Variants in CA5B observed in about 807,000 individuals in gnomAD.
CA5B encodes the protein carbonic anhydrase 5B, mitochondrial.
CA5B carries 15 observed loss-of-function variants against 23.1 expected under a neutral mutation model. The ratio of observed to expected loss-of-function variants is 0.65; its 90% CI spans 0.43 to 1.00. The LOEUF is 1.00. Ranked by LOEUF, CA5B falls within the 50% of genes least tolerant of loss-of-function variation. The pLI, the probability that CA5B is intolerant of heterozygous loss-of-function variation, is 0.00. For missense variants in CA5B, 236 were observed against 252.2 expected, an observed-to-expected ratio of 0.94 and a Z score of 0.43; for synonymous variants, 84 against 98.5, an observed-to-expected ratio of 0.85 and a Z score of 0.87.
In CA5B at chrX:15,754,357, A is replaced by G. The variant is rs1474193717; in HGVS notation, c.142+4192A>G. On this transcript the variant is annotated intron_variant, in intron 2 of 7. Coordinates refer to ENST00000318636, the MANE Select transcript of CA5B (RefSeq NM_007220.4). The stretch of plus-strand genomic sequence containing the variant: ...GCTCAGTGCCTGCCTCAGATGTTTA[A>G]ATCTGACCATTTTAAGAGGAGGCAA... Among the ~76,000 whole-genome samples the G allele has an allele frequency of 2.7e-5, 3 of 112,854 alleles. No individual in the cohort carries two copies. The East Asian group carries it at 8.3e-4, about 31-fold the overall frequency.
intron 7 of CA5B, among the ~76,000 whole-genome samples, chrX:15,781,003 A>C (rs1932013112): frequency 9.8e-6 from 1 of 102,349 alleles, no homozygotes; most frequent in Non-Finnish European, 2.0e-5. Context: ...TTTGACATGG[A>C]GTTTCACTCT....
At chrX:15,752,181 C>G (rs768427416) in intron 2 of CA5B, among the ~76,000 whole-genome samples, 2 of 108,971 alleles carry the variant, frequency 1.8e-5, no homozygotes, top group Admixed American at 9.7e-5. Flanking sequence ...GGACGAAACT[C>G]TGATTTTTTT....
In CA5B at chrX:15,753,149, G is replaced by T. The variant is rs762789753; in HGVS notation, c.142+2984G>T. On this transcript the variant is annotated intron_variant, in intron 2 of 7. Transcript: ENST00000318636. ...CACATGTTCTCAGGTCCTCCTGTGG[G>T]CTGTGTCACAGGCCACAGTCACCCA... Among the ~76,000 whole-genome samples the T allele has an allele frequency of 2.7e-5, 3 of 112,023 alleles. No homozygotes were observed. The South Asian group carries it at 1.1e-3, about 42-fold the overall frequency.
At chrX:15,779,919 T>C (rs1931991260) in intron 7 of CA5B, among the ~76,000 whole-genome samples, 1 of 112,231 alleles carries the variant, frequency 8.9e-6, no homozygotes, top group Non-Finnish European at 1.9e-5. Flanking sequence ...GTGAGGACTT[T>C]GTAAATACGA....
intron 2 of CA5B, among the ~76,000 whole-genome samples, chrX:15,755,360 C>A (rs1931466294): frequency 8.9e-6 from 1 of 111,837 alleles, no homozygotes. Flanking sequence ...ACTCAGCATC[C>A]AAGTTCCTTT....
chrX:15,754,126 C>T (rs957984520), intron 2 of CA5B, among the ~76,000 whole-genome samples: 2 of 111,824 alleles, frequency 1.8e-5, no homozygotes, highest in Non-Finnish European at 3.8e-5. Context: ...CATGCCCAAC[C>T]TCTCTTCCCC....
chrX:15,746,022 C>CTTTTTTTTT (rs11304971), intron 1 of CA5B, among the ~76,000 whole-genome samples: 1 of 53,412 alleles, frequency 1.9e-5, no homozygotes, highest in Admixed American at 2.7e-4. Context: ...GCGTCAACTT[C>CTTTTTTTTT]TTTTTTTTTT....
At chrX:15,743,126 C>T (rs188337541) in intron 1 of CA5B, among the ~76,000 whole-genome samples, 3 of 112,652 alleles carry the variant, frequency 2.7e-5, no homozygotes, top group African/African-American at 9.7e-5. Flanking sequence ...TCCTTACTAT[C>T]CCTTGAATAT....
chrX:15,756,232 G>A (rs1361880789), intron 2 of CA5B, among the ~76,000 whole-genome samples: 1 of 112,599 alleles, frequency 8.9e-6, no homozygotes, highest in African/African-American at 3.2e-5. Flanking sequence ...GGGTAAACCA[G>A]CTTGCCTGGT....
chrX:15,750,402 C>T, intron 2 of CA5B: 1 of 292,194 alleles, frequency 3.4e-6, no homozygotes, highest in Non-Finnish European at 6.0e-6. Context: ...TCTGTTGATT[C>T]ATGAAAGTAA....
At chrX:15,741,057 C>T (rs1275588234) in intron 1 of CA5B, among the ~76,000 whole-genome samples, 3 of 109,657 alleles carry the variant, frequency 2.7e-5, no homozygotes, top group Non-Finnish European at 5.7e-5. Flanking sequence ...GACCCCATCT[C>T]GTTCTGTTTT....
intron 2 of CA5B, among the ~76,000 whole-genome samples, chrX:15,751,404 G>C (rs1395478597): frequency 8.9e-6 from 1 of 112,013 alleles, no homozygotes; most frequent in Non-Finnish European, 1.9e-5. Flanking sequence ...CAAATAAACG[G>C]ACCAGAGGCA....
chrX:15,759,249 G>A (rs1931552535), intron 2 of CA5B, among the ~76,000 whole-genome samples: 1 of 111,708 alleles, frequency 9.0e-6, no homozygotes, highest in Admixed American at 9.5e-5. Flanking sequence ...ATAGGTGGTT[G>A]CAGCAAACTG....
At chrX:15,767,805 G>A (rs779641601) in intron 3 of CA5B, among the ~76,000 whole-genome samples, 5 of 107,535 alleles carry the variant, frequency 4.6e-5, no homozygotes, top group East Asian at 2.9e-4. Flanking sequence ...GGCCAGGCTG[G>A]TCTCGAACTC....
chrX:15,785,130 C>G lies in CA5B; in HGVS notation c.*2466C>G, dbSNP rs1180169115. 1 of 111,819 alleles carries G rather than the reference C, an allele frequency of 8.9e-6. No homozygotes were observed. Among genetic ancestry groups the G allele is most frequent in the African/African-American group, 3.3e-5 (1 of 30,733 alleles). 9.2% of individuals were successfully genotyped at this position (111,819 alleles called of 1,213,427 possible). A position where few individuals can be genotyped will look rare whatever the true frequency, so the allele number is the denominator to read the frequency against. ...AAAACGGTGCAGTCATTACGGAAAA[C>G]AGTACACAGGTTTCCCAAATAACTG... is the stretch of plus-strand genomic sequence containing the variant. On this transcript the variant is annotated 3_prime_UTR_variant, in exon 8 of 8. Coordinates refer to ENST00000318636, the MANE Select transcript of CA5B (RefSeq NM_007220.4).
At chrX:15,752,862 A>G (rs759738043) in intron 2 of CA5B, among the ~76,000 whole-genome samples, 1 of 111,846 alleles carries the variant, frequency 8.9e-6, no homozygotes, top group Non-Finnish European at 1.9e-5. Context: ...TAAGACTTCA[A>G]AGGAACTTTG....
chrX:15,782,369 C>T, intron 7 of CA5B, 116 bp from the exon 8 acceptor site: 1 of 694,953 alleles, frequency 1.4e-6, no homozygotes, highest in Admixed American at 3.1e-5. Flanking sequence ...AATAACTTCT[C>T]CTTCTGTATC....
rs775653512 is a variant in CA5B, at chrX:15,758,518, A to G, written c.143-6060A>G. 4.0e-4 allele frequency among the ~76,000 whole-genome samples: 44 copies of G among 109,705 alleles called. 3 individuals carry two copies. In the South Asian group the frequency reaches 0.017, roughly 42 times the overall value. On this transcript the variant is annotated intron_variant, in intron 2 of 7. Coordinates refer to ENST00000318636, the MANE Select transcript of CA5B (RefSeq NM_007220.4). Reference sequence around the variant, plus strand: ...TTTATTTTTTTATTTTTATTTTTTTATTTTTTGAGACAGGGTCTTGCTCTC... The same window carrying G: ...TTTATTTTTTTATTTTTATTTTTTTGTTTTTTGAGACAGGGTCTTGCTCTC...
intron 1 of CA5B, among the ~76,000 whole-genome samples, chrX:15,745,183 A>AAAAAAAG (rs1555992328): frequency 4.4e-4 from 38 of 86,785 alleles, no homozygotes; most frequent in Non-Finnish European, 6.6e-4. Context: ...AAAAAAAAAA[A>AAAAAAAG]AAAAGAAAAG....
Sources: allele counts gnomAD v4.1 joint callset (sites outside exome capture counted in the v4.1 genomes callset), GRCh38; gene constraint gnomAD v4.1.1; transcripts MANE v1.5; gene names NCBI Gene and HGNC (gene_info 2026-07-23, HGNC 2026-07-21).